SELENBP1: variants seen among roughly 807,000 people sequenced by gnomAD.
SELENBP1 encodes the protein selenium binding protein 1, also known as methanethiol oxidase.
SELENBP1 carries 71 observed loss-of-function variants against 61.0 expected under a neutral mutation model. The observed-to-expected ratio is 1.16, with a 90% CI of 0.96 to 1.42. The LOEUF (loss-of-function observed/expected upper bound fraction) is 1.42, where lower values mean the gene tolerates loss of function less well. Among genes scored for constraint, SELENBP1 ranks in the 40% most tolerant of loss-of-function variants. The pLI is 0.00. For missense variants in SELENBP1, 561 were observed against 605.0 expected (o/e 0.93, Z 0.76); for synonymous variants, 270 against 238.9 (o/e 1.13, Z -1.20).
Position 151,364,393 on chromosome 1 carries a change from A to T in SELENBP1, c.*150T>A. 3 of 894,450 alleles carry T rather than the reference A, an allele frequency of 3.4e-6. 1 individual carries two copies. The South Asian group carries it at 4.9e-5, about 14-fold the overall frequency. 55.4% of individuals were successfully genotyped at this position (894,450 alleles called of 1,614,324 possible). A position where few individuals can be genotyped will look rare whatever the true frequency, so the allele number is the denominator to read the frequency against. ...GAGCAACAAGCAACAGTGGTCAGTA[A>T]ATGTATATGACTCAACACATTGCCA... On this transcript the variant is annotated 3_prime_UTR_variant, in exon 12 of 12. Transcript: ENST00000368868.
chr1:151,372,204 A>T (rs1652173803), intron 1 of SELENBP1, among the ~76,000 whole-genome samples: 1 of 152,050 alleles, frequency 6.6e-6, no homozygotes, highest in Non-Finnish European at 1.5e-5. Flanking sequence ...GTAGCTAGAG[A>T]GTGACCTGGG....
intron 1 of SELENBP1, among the ~76,000 whole-genome samples, chr1:151,371,525 G>GGA (rs901025739): frequency 1.3e-5 from 2 of 151,818 alleles, no homozygotes; most frequent in Non-Finnish European, 2.9e-5. Context: ...GGTGGGGCAG[G>GGA]GAGAGAGAGA....
intron 3 of SELENBP1, 110 bp from the exon 4 acceptor site, chr1:151,369,299 C>T (rs1652026899): frequency 2.1e-6 from 3 of 1,454,514 alleles, no homozygotes; most frequent in South Asian, 1.3e-5. Context: ...GGCTGGATTT[C>T]AGCACTCCCC....
At position 151,366,308 on chromosome 1, in the gene SELENBP1, G is replaced by A; in HGVS notation, c.810C>T (p.Leu270=). 1 of 1,614,086 alleles carries A rather than the reference G, an allele frequency of 6.2e-7. No homozygotes were observed. Among genetic ancestry groups the A allele is most frequent in the Non-Finnish European group, 8.5e-7 (1 of 1,180,024 alleles). ...DAAQGFVGCA[L]SSTIQRFYKN... is the part of the protein sequence containing the mutation. The stretch of plus-strand genomic sequence containing the variant: ...TGTAGAAGCGCTGGATGGTGGAGCT[G>A]AGTGCGCAGCCCACAAAGCCTTGGG... Residue 270 remains leucine (L), a synonymous_variant, in exon 7 of 12, where the codon CTC becomes CTT. Coordinates refer to ENST00000368868, the MANE Select transcript of SELENBP1 (RefSeq NM_003944.4).
intron 5 of SELENBP1, chr1:151,367,180 TAAAAATATA>T (rs1375261700): frequency 3.9e-6 from 2 of 510,742 alleles, no homozygotes; most frequent in African/African-American, 3.9e-5. Flanking sequence ...CTGTCTCTAT[TAAAAATATA>T]AAAAATTACC....
At position 151,369,497 on chromosome 1, in the gene SELENBP1, G is replaced by A. The variant is rs1043400871; in HGVS notation, c.119C>T (p.Ala40Val). 1.9e-6 allele frequency: 3 copies of A among 1,612,720 alleles called. No homozygotes were observed. Among genetic ancestry groups the A allele is most frequent in the Non-Finnish European group, 2.5e-6 (3 of 1,179,590 alleles). ...PCIYRNTGTE[A>V]PDYLATVDVD... The stretch of plus-strand genomic sequence containing the variant: ...ATCCACAGTGGCCAGATAATCTGGG[G>A]CCTCAGTGCCTGTGTTTCGGTAAAT... The change falls in exon 3 of 12, where the codon GCC becomes GTC. Residue 40 changes from alanine to valine, a missense_variant. Coordinates refer to ENST00000368868, the MANE Select transcript of SELENBP1 (RefSeq NM_003944.4).
Position 151,364,500 on chromosome 1 carries a change from A to C in SELENBP1, c.*43T>G. 1 of 1,609,634 alleles carries C rather than the reference A, an allele frequency of 6.2e-7. No individual in the cohort carries two copies. The highest frequency in any genetic ancestry group is 8.5e-7 in the Non-Finnish European group (1 of 1,177,028). ...CAGAATGAAGCCAGGTCCCCAAGGA[A>C]GTGAGGGCCCAAAATAGGGAGTGTG... On this transcript the variant is annotated 3_prime_UTR_variant, in exon 12 of 12. Transcript: ENST00000368868.
Position 151,365,169 on chromosome 1 carries a change from G to A in SELENBP1, c.1137+20C>T, listed in dbSNP as rs780568836. 7 of 1,609,800 alleles carry A rather than the reference G, an allele frequency of 4.3e-6. No homozygotes were observed. Among genetic ancestry groups the A allele is most frequent in the Non-Finnish European group, 5.1e-6 (6 of 1,176,382 alleles). ...AGCATGGGTCTGAGGGGTCCAGCAA[G>A]TAGGGGGAGAGGCTCTTACCTTGAC... On this transcript the variant is annotated intron_variant, in intron 10 of 11. Transcript: ENST00000368868.
intron 1 of SELENBP1, chr1:151,370,078 G>A (rs1652069444): frequency 1.6e-6 from 2 of 1,244,406 alleles, no homozygotes; most frequent in Non-Finnish European, 2.1e-6. Context: ...CGGACTCGGG[G>A]CCCAACCCCA....
In SELENBP1 at chr1:151,364,687, C is replaced by T; in HGVS notation, c.1275G>A (p.Leu425=). The T allele has an allele frequency of 6.3e-7, 1 of 1,594,636 alleles. No homozygotes were observed. Among genetic ancestry groups the T allele is most frequent in the Non-Finnish European group, 8.6e-7 (1 of 1,169,072 alleles). ...CTTTTACTGTGTCTACATCAACCTG[C>T]AGCATCACAGAGCCTTCCCTGGTGG... ...PDLIREGSVM[L]QVDVDTVKGG... The change falls in exon 12 of 12, where the codon CTG becomes CTA. Residue 425 remains leucine (L), a synonymous_variant. Transcript: ENST00000368868.
chr1:151,365,097 A>G, intron 10 of SELENBP1, 53 bp from the exon 11 acceptor site: 3 of 1,582,624 alleles, frequency 1.9e-6, no homozygotes, highest in East Asian at 2.3e-5. Flanking sequence ...CCTAGGCACC[A>G]CCCCAACCCC....
intron 1 of SELENBP1, among the ~76,000 whole-genome samples, chr1:151,370,887 C>G (rs948111060): frequency 3.3e-5 from 5 of 152,308 alleles, no homozygotes; most frequent in African/African-American, 1.2e-4. Flanking sequence ...GACTCCCACT[C>G]GCAGCAGCCA....
Position 151,368,522 on chromosome 1 carries a change from T to C in SELENBP1, c.361-203A>G, listed in dbSNP as rs563555206. 2.0e-5 allele frequency among the ~76,000 whole-genome samples: 3 copies of C among 152,334 alleles called. No homozygotes were observed. In the East Asian group the frequency reaches 5.8e-4, roughly 29 times the overall value. On this transcript the variant is annotated intron_variant, in intron 4 of 11. Coordinates refer to ENST00000368868, the MANE Select transcript of SELENBP1 (RefSeq NM_003944.4). Reference sequence around the variant, plus strand: ...AAGGGAAAGTCAGAGAGATTGCTAATAACTCCCCAGGCAGAAAGCGCTGAC... The same window carrying C: ...AAGGGAAAGTCAGAGAGATTGCTAACAACTCCCCAGGCAGAAAGCGCTGAC...
Position 151,370,139 on chromosome 1 carries a change from G to C in SELENBP1, c.5-370C>G, listed in dbSNP as rs572770225. 3.0e-4 allele frequency: 174 copies of C among 587,030 alleles called. 4 individuals are homozygous for C. The South Asian group carries it at 6.9e-3, about 23-fold the overall frequency. The allele number at this position is 587,030 out of a possible 1,614,324, so 36.4% of individuals were successfully genotyped here. A position where few individuals can be genotyped will look rare whatever the true frequency, so the allele number is the denominator to read the frequency against. On this transcript the variant is annotated intron_variant, in intron 1 of 11. Transcript: ENST00000368868. ...CTTGGGCAAAGTACTGAAGCTCCTC[G>C]ACCTCAATTTCTGCATCCTCTGTAA... is the stretch of plus-strand genomic sequence containing the variant.
chr1:151,365,079 A>T (rs1305008284), intron 10 of SELENBP1, 35 bp from the exon 11 acceptor site: 4 of 1,592,282 alleles, frequency 2.5e-6, no homozygotes, highest in Non-Finnish European at 2.6e-6. Context: ...CCAGGGTAAC[A>T]CACAGATCCT....
chr1:151,368,929 G>A (rs1438959847), intron 4 of SELENBP1, 75 bp downstream of exon 4: 1 of 1,476,158 alleles, frequency 6.8e-7, no homozygotes, highest in Non-Finnish European at 9.2e-7. Flanking sequence ...GTTTAGGTCT[G>A]GCTTCCTGCC....
rs745731832 is a variant in SELENBP1 at position 151,366,741 on chromosome 1, G to C, written c.645C>G (p.Asn215Lys). 1 of 1,613,992 alleles carries C rather than the reference G, an allele frequency of 6.2e-7. No individual in the cohort carries two copies. Among genetic ancestry groups the C allele is most frequent in the African/African-American group, 1.3e-5 (1 of 74,908 alleles). ...AAPNVLRDGF[N>K]PADVEAGLYG... The stretch of plus-strand genomic sequence containing the variant: ...TCTCACCAGCCTCCACATCAGCGGG[G>C]TTGAAGCCATCTCGTAAGACATTGG... Residue 215 changes from asparagine to lysine, a missense_variant, in exon 6 of 12, where the codon AAC becomes AAG. Coordinates refer to ENST00000368868, the MANE Select transcript of SELENBP1 (RefSeq NM_003944.4).
intron 1 of SELENBP1, 166 bp from the exon 2 acceptor site, chr1:151,369,935 T>C (rs896365876): frequency 5.3e-6 from 8 of 1,512,844 alleles, no homozygotes; most frequent in Admixed American, 2.1e-5. Flanking sequence ...CTCAGAGCCC[T>C]GAGGAGGGTG....
Position 151,365,273 on chromosome 1 carries a change from G to A in SELENBP1, c.1053C>T (p.Leu351=), listed in dbSNP as rs778169760. The A allele has an allele frequency of 8.1e-6, 13 of 1,611,902 alleles. No homozygotes were observed. The highest frequency in any genetic ancestry group is 6.7e-5 in the East Asian group (3 of 44,786). Reference sequence around the variant, plus strand: ...GGCCTCCCTTAACAATGCTGCCTCCGAGGAAGAGCTAGATGGGGAGGTGCA... The same window carrying A: ...GGCCTCCCTTAACAATGCTGCCTCCAAGGAAGAGCTAGATGGGGAGGTGCA... ...QRPRLTGQLF[L]GGSIVKGGPV... Residue 351 remains leucine, a synonymous_variant, in exon 10 of 12, where the codon CTC becomes CTT. Transcript: ENST00000368868.
Sources: gnomAD v4.1 joint callset for allele counts (sites outside exome capture counted in the v4.1 genomes callset) on GRCh38, gnomAD v4.1.1 for gene constraint, MANE v1.5 for transcripts, NCBI Gene and HGNC (gene_info 2026-07-23, HGNC 2026-07-21) for gene names.